Variants in SCNN1B observed in about 807,000 individuals in gnomAD.
SCNN1B encodes sodium channel epithelial 1 subunit beta.
Under a neutral mutation model 65.3 loss-of-function variants are expected in SCNN1B, and 46 were observed. That is an observed-to-expected ratio of 0.70 (90% CI 0.56 to 0.90). The LOEUF (loss-of-function observed/expected upper bound fraction) is 0.90, where lower values mean the gene tolerates loss of function less well. SCNN1B is among the 40% of genes least tolerant of loss of function. The pLI is 0.00. For missense variants in SCNN1B, 751 were observed against 830.5 expected (o/e 0.90, Z 1.18); for synonymous variants, 349 against 330.6 (o/e 1.06, Z -0.60).
chr16:23,328,681 T>A (rs887851544), intron 1 of SCNN1B, among the ~76,000 whole-genome samples: 2 of 152,222 alleles, frequency 1.3e-5, no homozygotes, highest in Non-Finnish European at 2.9e-5. Flanking sequence ...GTGGGTCAGG[T>A]CAGTTTCAAA....
intron 1 of SCNN1B, among the ~76,000 whole-genome samples, chr16:23,310,515 C>T (rs1261083214): frequency 6.6e-6 from 1 of 152,074 alleles, no homozygotes; most frequent in Non-Finnish European, 1.5e-5. Context: ...TGAGACCCCA[C>T]CTCTATAATA....
chr16:23,313,680 C>T (rs1190750772), intron 1 of SCNN1B, among the ~76,000 whole-genome samples: 1 of 152,180 alleles, frequency 6.6e-6, no homozygotes, highest in Non-Finnish European at 1.5e-5. Flanking sequence ...GGCACGATCT[C>T]GGCTCACTGC....
At chr16:23,311,806 C>T (rs1172479863) in intron 1 of SCNN1B, among the ~76,000 whole-genome samples, 1 of 152,126 alleles carries the variant, frequency 6.6e-6, no homozygotes, top group Admixed American at 6.5e-5. Flanking sequence ...ACATGCCTGG[C>T]TCATTAATGG....
chr16:23,296,828 C>T (rs1961004060), intron 2 of SCNN1B, among the ~76,000 whole-genome samples: 1 of 151,854 alleles, frequency 6.6e-6, no homozygotes, highest in African/African-American at 2.4e-5. Flanking sequence ...AGTGAAACCC[C>T]GTCTCTACTA....
At chr16:23,302,965 T>A (rs1006166660) in intron 1 of SCNN1B, among the ~76,000 whole-genome samples, 2 of 152,114 alleles carry the variant, frequency 1.3e-5, no homozygotes, top group Non-Finnish European at 2.9e-5. Flanking sequence ...TGAGCTCAGA[T>A]TTGAACCCAG....
chr16:23,353,693 C>G (rs926541723), intron 3 of SCNN1B, among the ~76,000 whole-genome samples: 1 of 152,160 alleles, frequency 6.6e-6, no homozygotes, highest in African/African-American at 2.4e-5. Flanking sequence ...GAAGGTGGTT[C>G]CCTGAGGGAG....
At chr16:23,316,329 C>T (rs1055078915) in intron 1 of SCNN1B, among the ~76,000 whole-genome samples, 46 of 149,546 alleles carry the variant, frequency 3.1e-4, no homozygotes, top group Admixed American at 1.5e-3. Flanking sequence ...ATCATGATCA[C>T]CATCACCACC....
At chr16:23,296,275 A>G (rs947898574) in intron 2 of SCNN1B, among the ~76,000 whole-genome samples, 4 of 152,208 alleles carry the variant, frequency 2.6e-5, no homozygotes, top group African/African-American at 9.6e-5. Flanking sequence ...ATCCAAGCCA[A>G]GCAGGAATAG....
chr16:23,377,574 C>CCCTTCCTCCCTCCCTTCTCCCTT lies in SCNN1B; in HGVS notation c.1404+196_1404+218dup, dbSNP rs372204975. Among the ~76,000 whole-genome samples the CCCTTCCTCCCTCCCTTCTCCCTT allele has an allele frequency of 3.5e-3, 442 of 124,940 alleles. 8 individuals carry two copies. The highest frequency in any genetic ancestry group is 8.6e-3 in the African/African-American group (288 of 33,488). The allele number at this position is 124,940 out of a possible 152,430, so 82.0% of individuals were successfully genotyped here. A position where few individuals can be genotyped will look rare whatever the true frequency, so the allele number is the denominator to read the frequency against. ...CCTTCCTTCCTTCCTCCTCTCTTTT[C>CCCTTCCTCCCTCCCTTCTCCCTT]CCTTCCTCCCTCCCTTCTCCCTTCC... On this transcript the variant is annotated intron_variant, in intron 10 of 12. Transcript: ENST00000343070.
chr16:23,291,515 C>T (rs1960924584), intron 2 of SCNN1B, among the ~76,000 whole-genome samples: 1 of 147,102 alleles, frequency 6.8e-6, no homozygotes, highest in African/African-American at 2.5e-5. Flanking sequence ...GGTATACATA[C>T]CCATTAAATA....
At chr16:23,293,757 T>A (rs996416901) in intron 2 of SCNN1B, among the ~76,000 whole-genome samples, 2 of 151,416 alleles carry the variant, frequency 1.3e-5, no homozygotes, top group East Asian at 3.9e-4. Flanking sequence ...GGAGACCCCT[T>A]CTCTACAAAA....
At chr16:23,327,507 C>A (rs1336682580) in intron 1 of SCNN1B, among the ~76,000 whole-genome samples, 1 of 152,044 alleles carries the variant, frequency 6.6e-6, no homozygotes, top group Non-Finnish European at 1.5e-5. Flanking sequence ...GCACTCCAGC[C>A]TGGGAGGCAG....
At chr16:23,356,644 A>G (rs1454848707) in intron 4 of SCNN1B, among the ~76,000 whole-genome samples, 1 of 151,978 alleles carries the variant, frequency 6.6e-6, no homozygotes, top group Non-Finnish European at 1.5e-5. Context: ...AAAACAAAAA[A>G]CAAAAAAACA....
intron 5 of SCNN1B, 29 bp downstream of exon 5, chr16:23,367,988 G>C (rs914772961): frequency 6.5e-7 from 1 of 1,537,454 alleles, no homozygotes; most frequent in Non-Finnish European, 9.0e-7. Flanking sequence ...TGGGGCCAGA[G>C]CCATGAGGCT....
chr16:23,336,186 C>T (rs1330272405), intron 1 of SCNN1B, among the ~76,000 whole-genome samples: 4 of 152,126 alleles, frequency 2.6e-5, no homozygotes. Flanking sequence ...CCCTCTGAGT[C>T]CCTCTGTGCT....
At chr16:23,372,555 C>T (rs1369129314) in intron 7 of SCNN1B, among the ~76,000 whole-genome samples, 4 of 148,414 alleles carry the variant, frequency 2.7e-5, no homozygotes, top group African/African-American at 7.5e-5. Flanking sequence ...AGTGCGGTGG[C>T]GTGATATTGG....
At chr16:23,373,831 G>GGACAGACA (rs993455787) in intron 7 of SCNN1B, among the ~76,000 whole-genome samples, 1 of 152,148 alleles carries the variant, frequency 6.6e-6, no homozygotes. Flanking sequence ...GCCTCTGGAG[G>GGACAGACA]GACAGACAGA....
intron 1 of SCNN1B, among the ~76,000 whole-genome samples, chr16:23,312,103 G>A (rs965852792): frequency 6.6e-6 from 1 of 152,124 alleles, no homozygotes; most frequent in Non-Finnish European, 1.5e-5. Flanking sequence ...AGGCTGTCTG[G>A]GGAGCCGATT....
chr16:23,278,755 C>G (rs541565742), intron 1 of SCNN1B, among the ~76,000 whole-genome samples: 2 of 151,298 alleles, frequency 1.3e-5, no homozygotes, highest in Non-Finnish European at 2.9e-5. Context: ...ACATAGTGAC[C>G]CCCCCACCCC....
Sources: allele counts gnomAD v4.1 joint callset (sites outside exome capture counted in the v4.1 genomes callset), GRCh38; gene constraint gnomAD v4.1.1; transcripts MANE v1.5; gene names NCBI Gene and HGNC (gene_info 2026-07-23, HGNC 2026-07-21).